PDCD6: variants seen among roughly 807,000 people sequenced by gnomAD.
PDCD6 encodes the protein programmed cell death 6.
PDCD6 carries 12 observed loss-of-function variants against 28.3 expected under a neutral mutation model. The observed-to-expected ratio is 0.42, with a 90% CI of 0.27 to 0.69. PDCD6 has a LOEUF of 0.69. Ranked by LOEUF, PDCD6 falls within the 30% of genes least tolerant of loss-of-function variation. The pLI is 0.22. For missense variants in PDCD6, 226 were observed against 269.9 expected (o/e 0.84, Z 1.14); for synonymous variants, 92 against 108.0 (o/e 0.85, Z 0.92).
At chr5:297,752 CTTT>C (rs1263548201) in intron 2 of PDCD6, among the ~76,000 whole-genome samples, 7 of 152,166 alleles carry the variant, frequency 4.6e-5, no homozygotes, top group Non-Finnish European at 1.5e-5. Context: ...AATTGTTGAT[CTTT>C]TTAACCTGGG....
chr5:274,115 A>C (rs1027866475), intron 2 of PDCD6, among the ~76,000 whole-genome samples: 13 of 152,316 alleles, frequency 8.5e-5, no homozygotes, highest in African/African-American at 2.9e-4. Context: ...ATCACCTGTT[A>C]AATATGGTCA....
chr5:300,253 T>C (rs1739967482), intron 2 of PDCD6, among the ~76,000 whole-genome samples: 1 of 152,232 alleles, frequency 6.6e-6, no homozygotes, highest in African/African-American at 2.4e-5. Context: ...CTGCTTTCGC[T>C]GTGGGTGGCT....
At chr5:302,105 T>TGTGTGTGTGTGTGTGTGTGTGC (rs1554007712) in intron 2 of PDCD6, among the ~76,000 whole-genome samples, 1 of 127,872 alleles carries the variant, frequency 7.8e-6, no homozygotes, top group African/African-American at 3.9e-5. Flanking sequence ...TGTGTGTGTG[T>TGTGTGTGTGTGTGTGTGTGTGC]GTGCCTTGGG....
Position 280,064 on chromosome 5 carries a change from C to A in PDCD6, c.163+7292C>A, listed in dbSNP as rs923468544. On this transcript the variant is annotated intron_variant, in intron 2 of 5. Coordinates refer to ENST00000264933, the MANE Select transcript of PDCD6 (RefSeq NM_013232.4). ...CGAATGGTATTTAGAGAGTAAACCC[C>A]GATAGAGAGGGTTTGTGTCTGGCAC... Among the ~76,000 whole-genome samples the A allele has an allele frequency of 2.7e-5, 4 of 150,824 alleles. No individual in the cohort carries two copies. The East Asian group carries it at 7.8e-4, about 29-fold the overall frequency.
At chr5:290,908 C>T (rs1427206622) in intron 2 of PDCD6, among the ~76,000 whole-genome samples, 1 of 152,164 alleles carries the variant, frequency 6.6e-6, no homozygotes, top group Non-Finnish European at 1.5e-5. Flanking sequence ...TGCCACCTTG[C>T]TATTGAATGC....
At chr5:279,039 T>C (rs1334067160) in intron 2 of PDCD6, among the ~76,000 whole-genome samples, 1 of 152,158 alleles carries the variant, frequency 6.6e-6, no homozygotes, top group Non-Finnish European at 1.5e-5. Context: ...GAGGCTTCTC[T>C]GTCCTCCATG....
chr5:311,129 A>C (rs1227966839), intron 4 of PDCD6, 164 bp from the exon 5 acceptor site: 2 of 647,976 alleles, frequency 3.1e-6, no homozygotes, highest in African/African-American at 1.8e-5. Flanking sequence ...ATATTCGGGA[A>C]GTGTCTCAGT....
At position 305,088 on chromosome 5, in the gene PDCD6, T is replaced by G. The variant is rs1579540548; in HGVS notation, c.208+867T>G. 1.3e-5 allele frequency: 2 copies of G among 152,644 alleles called. No individual in the cohort carries two copies. Among genetic ancestry groups the G allele is most frequent in the Non-Finnish European group, 2.9e-5 (2 of 68,318 alleles). The allele number at this position is 152,644 out of a possible 1,614,324, so 9.5% of individuals were successfully genotyped here. A position where few individuals can be genotyped will look rare whatever the true frequency, so the allele number is the denominator to read the frequency against. On this transcript the variant is annotated intron_variant, in intron 3 of 5. Transcript: ENST00000264933. This position sits in a 1 kb window ranked among gnomAD's most constrained non-coding sequence, Gnocchi z 4.0. ...CCCGTAGCCAGGTGGGAGCTGCAGC[T>G]CCAGGGGCAGGCAGGCCTGGGAGGC...
intron 2 of PDCD6, chr5:289,780 A>G (rs1295316302): frequency 9.7e-7 from 1 of 1,030,642 alleles, no homozygotes; most frequent in Non-Finnish European, 1.5e-6. Context: ...TGACAAAGAA[A>G]CCTTTGGTCG....
rs1179587118 is a variant in PDCD6 at position 311,302 on chromosome 5, T to C, written c.377T>C (p.Leu126Pro). ...ACTTTCCCTCTTGAAGGCTACCGGC[T>C]CTCTGACCAGTTCCACGACATCCTC... ...KQALSGFGYR[L>P]SDQFHDILIR... Residue 126 changes from leucine (L) to proline (P), a missense_variant, in exon 5 of 6, where the codon CTC becomes CCC. By Grantham distance (98) the Leu-to-Pro change is moderately conservative (BLOSUM62 -3). Coordinates refer to ENST00000264933, the MANE Select transcript of PDCD6 (RefSeq NM_013232.4). The C allele has an allele frequency of 6.2e-7, 1 of 1,613,794 alleles. No homozygotes were observed. The highest frequency in any genetic ancestry group is 1.3e-5 in the African/African-American group (1 of 74,902).
At chr5:276,961 C>T (rs1174618209) in intron 2 of PDCD6, 11 of 984,070 alleles carry the variant, frequency 1.1e-5, no homozygotes, top group Non-Finnish European at 1.3e-5. Flanking sequence ...GATCCCTTTT[C>T]GGGTGTTTGG....
rs974685473 is a variant in PDCD6 at position 307,430 on chromosome 5, C to T, written c.367+670C>T. 2.6e-5 allele frequency among the ~76,000 whole-genome samples: 4 copies of T among 152,052 alleles called. No homozygotes were observed. The highest frequency in any genetic ancestry group is 5.9e-5 in the Non-Finnish European group (4 of 67,998). On this transcript the variant is annotated intron_variant, in intron 4 of 5. Transcript: ENST00000264933. This position sits in a 1 kb window ranked among gnomAD's most constrained non-coding sequence, Gnocchi z 6.1. ...CGTGCCCATTCTCAGGTGCGCTCAGCGTGTGTGTGCTTGACGCGTGTGCAC... is the reference window on the plus strand; with the variant it reads ...CGTGCCCATTCTCAGGTGCGCTCAGTGTGTGTGTGCTTGACGCGTGTGCAC...
chr5:281,994 G>A (rs1482625510), intron 2 of PDCD6, among the ~76,000 whole-genome samples: 1 of 151,702 alleles, frequency 6.6e-6, no homozygotes, highest in Non-Finnish European at 1.5e-5. Flanking sequence ...AAGACTCGGG[G>A]AGGAGCTGAT....
intron 2 of PDCD6, among the ~76,000 whole-genome samples, chr5:279,864 C>T (rs796357892): frequency 2.0e-5 from 3 of 150,046 alleles, no homozygotes; most frequent in South Asian, 2.1e-4. Context: ...ATGACTTGTG[C>T]GCCAACCTAA....
At chr5:294,191 CAAATT>C (rs1353032521) in intron 2 of PDCD6, among the ~76,000 whole-genome samples, 4 of 151,656 alleles carry the variant, frequency 2.6e-5, no homozygotes, top group East Asian at 3.8e-4. Context: ...AAAAGATTGA[CAAATT>C]AAATTGTCAT....
intron 2 of PDCD6, among the ~76,000 whole-genome samples, chr5:273,798 G>T (rs142908110): frequency 1.4e-3 from 216 of 152,256 alleles, no homozygotes; most frequent in Non-Finnish European, 2.4e-3. Context: ...AATATGTGGC[G>T]TGTGGGCCAC....
chr5:288,244 A>G (rs1421855917), intron 2 of PDCD6, among the ~76,000 whole-genome samples: 1 of 149,942 alleles, frequency 6.7e-6, no homozygotes, highest in African/African-American at 2.4e-5. Flanking sequence ...TTCATCTCTT[A>G]TGGAAACAGA....
At chr5:284,769 A>G (rs1043843635) in intron 2 of PDCD6, among the ~76,000 whole-genome samples, 3 of 148,826 alleles carry the variant, frequency 2.0e-5, no homozygotes, top group African/African-American at 7.5e-5. Context: ...CTCATGTTCC[A>G]GTTTGAGGGC....
At chr5:288,282 A>AAT (rs1554006382) in intron 2 of PDCD6, among the ~76,000 whole-genome samples, 2 of 117,882 alleles carry the variant, frequency 1.7e-5, no homozygotes, top group Middle Eastern at 4.0e-3. Context: ...CCCTTAAAAT[A>AAT]ATATATATAT....
Sources: allele counts gnomAD v4.1 joint callset (sites outside exome capture counted in the v4.1 genomes callset), GRCh38; gene constraint gnomAD v4.1.1; non-coding constraint Gnocchi (gnomAD v3.1); transcripts MANE v1.5; gene names NCBI Gene and HGNC (gene_info 2026-07-23, HGNC 2026-07-21).